WFDC1: variants seen among roughly 807,000 people sequenced by gnomAD.
The protein encoded by WFDC1 is WAP four-disulfide core domain protein 1.
Under a neutral mutation model 32.9 loss-of-function variants are expected in WFDC1, and 39 were observed. The observed-to-expected ratio is 1.19, with a 90% CI of 0.92 to 1.55. WFDC1 has a LOEUF of 1.55. Ranked by LOEUF, WFDC1 falls within the 40% of genes most tolerant of loss-of-function variation. The pLI, the probability that WFDC1 is intolerant of heterozygous loss-of-function variation, is 0.00. For synonymous variants in WFDC1, 184 were observed against 137.4 expected, an observed-to-expected ratio of 1.34 and a Z score of -2.37; for missense variants, 386 against 309.5, an observed-to-expected ratio of 1.25 and a Z score of -1.85.
At position 84,328,433 on chromosome 16, in the gene WFDC1, G is replaced by A. The variant is rs563960806; in HGVS notation, c.*16-889G>A. ...AAAGCAGGTGACAGCCTCCCAGGAC[G>A]TCGCTGAAACGCAAATGTCAGATTG... On this transcript the variant is annotated intron_variant, in intron 6 of 6. Transcript: ENST00000219454. 6 of 152,356 alleles carry A rather than the reference G, an allele frequency of 3.9e-5. No homozygotes were observed. The East Asian group carries it at 7.7e-4, about 20-fold the overall frequency. 9.4% of individuals were successfully genotyped at this position (152,356 alleles called of 1,614,324 possible).
At chr16:84,321,775 C>T (rs1432266711) in intron 4 of WFDC1, among the ~76,000 whole-genome samples, 2 of 152,164 alleles carry the variant, frequency 1.3e-5, no homozygotes, top group African/African-American at 2.4e-5. Context: ...GAAGTAGAAC[C>T]AGGAGGCAGT....
At chr16:84,319,366 A>T in intron 3 of WFDC1, 65 bp from the exon 4 acceptor site, 1 of 1,580,316 alleles carries the variant, frequency 6.3e-7, no homozygotes, top group South Asian at 1.1e-5. Context: ...TGCCTTCTAG[A>T]CCCTAGCATG....
chr16:84,314,811 C>A (rs911920973), intron 2 of WFDC1, among the ~76,000 whole-genome samples: 11 of 152,194 alleles, frequency 7.2e-5, no homozygotes, highest in African/African-American at 2.7e-4. Flanking sequence ...AAAAATGGTG[C>A]CCCTTCCTCT....
chr16:84,300,863 A>G (rs928551924), intron 1 of WFDC1, among the ~76,000 whole-genome samples: 1 of 152,112 alleles, frequency 6.6e-6, no homozygotes, highest in Non-Finnish European at 1.5e-5. Context: ...ACAGCTACTC[A>G]GGAGGCTGAG....
chr16:84,299,013 G>T (rs984097520), intron 1 of WFDC1, among the ~76,000 whole-genome samples: 2 of 152,154 alleles, frequency 1.3e-5, no homozygotes, highest in Non-Finnish European at 2.9e-5. Flanking sequence ...TCCCTGACTG[G>T]CACAGAACTG....
chr16:84,295,030 G>A lies in WFDC1; in HGVS notation c.59G>A (p.Cys20Tyr), dbSNP rs756774832. 5.0e-6 allele frequency: 8 copies of A among 1,614,240 alleles called. No homozygotes were observed. Among genetic ancestry groups the A allele is most frequent in the Non-Finnish European group, 5.1e-6 (6 of 1,180,042 alleles). The change falls in exon 1 of 7, where the codon TGC (cysteine) becomes TAC (tyrosine). Residue 20 changes from cysteine (C) to tyrosine (Y), a missense_variant. Coordinates refer to ENST00000219454, the MANE Select transcript of WFDC1 (RefSeq NM_021197.4). ...SCRRQIIRAL[C>Y]LLLLLLHAGS... ...AGGAGGCAGATCATCCGGGCTCTGT[G>A]CCTCTTGCTACTTCTCCTCCACGCC...
chr16:84,301,887 C>T (rs748061850), intron 1 of WFDC1, among the ~76,000 whole-genome samples: 9 of 152,186 alleles, frequency 5.9e-5, no homozygotes, highest in Non-Finnish European at 8.8e-5. Context: ...AAAGAAGCAT[C>T]CCAGGTCCCT....
At position 84,325,440 on chromosome 16, in the gene WFDC1, T is replaced by C. The variant is rs550802080; in HGVS notation, c.604+980T>C. On this transcript the variant is annotated intron_variant, in intron 5 of 6. Coordinates refer to ENST00000219454, the MANE Select transcript of WFDC1 (RefSeq NM_021197.4). Reference sequence around the variant, plus strand: ...CTGGTCTTAAACTCCTGACCTCAGGTGATCTGCCCGCCTCGGCCTCCCAAA... The same window carrying C: ...CTGGTCTTAAACTCCTGACCTCAGGCGATCTGCCCGCCTCGGCCTCCCAAA... 3.9e-5 allele frequency among the ~76,000 whole-genome samples: 6 copies of C among 152,186 alleles called. No homozygotes were observed. In the East Asian group the frequency reaches 1.2e-3, roughly 29 times the overall value.
At chr16:84,329,227 C>G (rs1023217924) in intron 6 of WFDC1, 95 bp from the exon 7 acceptor site, 1 of 152,456 alleles carries the variant, frequency 6.6e-6, no homozygotes, top group Non-Finnish European at 1.5e-5. Flanking sequence ...ATTTGTGACT[C>G]TGTGGTCTGC....
chr16:84,295,104 G>A lies in WFDC1; in HGVS notation c.133G>A (p.Glu45Lys), dbSNP rs747582762. The change falls in exon 1 of 7, where the codon GAG becomes AAG. Residue 45 changes from glutamate (E) to lysine (K), a missense_variant. Transcript: ENST00000219454. ...ACGGGCATTGCCTGCGAGGCTGGCC[G>A]AGAAATCCCGTGTAAGTGCCTGGGA... ...WKRALPARLA[E>K]KSRAEEAGAP... is the part of the protein sequence containing the mutation. 45 of 1,613,822 alleles carry A rather than the reference G, an allele frequency of 2.8e-5. No homozygotes were observed. In the East Asian group the frequency reaches 7.1e-4, roughly 26 times the overall value.
chr16:84,296,872 C>T (rs1199769601), intron 1 of WFDC1: 1 of 152,142 alleles, frequency 6.6e-6, no homozygotes, highest in Non-Finnish European at 1.5e-5. Context: ...AGTGGTGCAT[C>T]TAAGAGCTGC....
intron 1 of WFDC1, among the ~76,000 whole-genome samples, chr16:84,301,533 G>A (rs557049773): frequency 1.3e-5 from 2 of 152,236 alleles, no homozygotes; most frequent in Admixed American, 6.5e-5. Context: ...AGATGCCTAC[G>A]TCTTGGGGGT....
chr16:84,327,733 T>C (rs1165869057), intron 6 of WFDC1: 2 of 152,166 alleles, frequency 1.3e-5, no homozygotes, highest in South Asian at 4.1e-4. Flanking sequence ...TCCTTTTCAT[T>C]CCTTTGCCTT....
chr16:84,296,700 A>G (rs1906619225), intron 1 of WFDC1, among the ~76,000 whole-genome samples: 1 of 152,082 alleles, frequency 6.6e-6, no homozygotes, highest in African/African-American at 2.4e-5. Context: ...TGACATGATG[A>G]GGCGCTTGGA....
intron 1 of WFDC1, among the ~76,000 whole-genome samples, chr16:84,301,223 C>G (rs1200082184): frequency 6.6e-6 from 1 of 152,230 alleles, no homozygotes; most frequent in Non-Finnish European, 1.5e-5. Flanking sequence ...GCTTCCAGAA[C>G]TGTGAAAGAA....
chr16:84,323,580 G>A (rs373058060), intron 4 of WFDC1, among the ~76,000 whole-genome samples: 31 of 152,338 alleles, frequency 2.0e-4, no homozygotes, highest in East Asian at 1.5e-3. Context: ...AAATGAAATT[G>A]TTTCTTTTAA....
chr16:84,318,418 C>T, intron 3 of WFDC1, 63 bp downstream of exon 3: 2 of 1,544,856 alleles, frequency 1.3e-6, no homozygotes, highest in Non-Finnish European at 1.8e-6. Context: ...TCAGCTGCTT[C>T]CAGAAAGCTG....
intron 1 of WFDC1, chr16:84,295,377 A>T (rs1906534417): frequency 2.0e-6 from 1 of 500,420 alleles, no homozygotes. Context: ...TTGCCTTGTT[A>T]CAAAAGTATG....
rs555854363 is a variant in WFDC1 at position 84,311,750 on chromosome 16, T to C, written c.145-1211T>C. On this transcript the variant is annotated intron_variant, in intron 1 of 6. Coordinates refer to ENST00000219454, the MANE Select transcript of WFDC1 (RefSeq NM_021197.4). ...AGGGGTTTCGCTATGTTGGCCAGCCTGGTCTCAAAACTTCTGAGCTCAAGT... is the reference window on the plus strand; with the variant it reads ...AGGGGTTTCGCTATGTTGGCCAGCCCGGTCTCAAAACTTCTGAGCTCAAGT... Among the ~76,000 whole-genome samples, 13 of 144,012 alleles carry C rather than the reference T, an allele frequency of 9.0e-5. No homozygotes were observed. In the East Asian group the frequency reaches 2.4e-3, roughly 26 times the overall value. 94.5% of individuals were successfully genotyped at this position (144,012 alleles called of 152,430 possible).
Sources: allele counts gnomAD v4.1 joint callset (sites outside exome capture counted in the v4.1 genomes callset), GRCh38; gene constraint gnomAD v4.1.1; transcripts MANE v1.5; gene names NCBI Gene and HGNC (gene_info 2026-07-23, HGNC 2026-07-21).